The following LGR4 variants were observed in gnomAD, a reference collection of about 807,000 sequenced individuals.
LGR4 encodes leucine rich repeat containing G protein-coupled receptor 4.
A neutral mutation model predicts 84.8 loss-of-function variants in LGR4; 44 were observed. The observed-to-expected ratio is 0.52, with a 90% CI of 0.41 to 0.67. LGR4 has a LOEUF of 0.67. Among genes scored for constraint, LGR4 ranks in the 30% least tolerant of loss-of-function variants. The pLI is 0.00. For synonymous variants in LGR4, 429 were observed against 434.3 expected, an observed-to-expected ratio of 0.99 and a Z score of 0.15; for missense variants, 1,032 against 1,131.4, an observed-to-expected ratio of 0.91 and a Z score of 1.26.
At position 27,392,648 on chromosome 11, in the gene LGR4, C is replaced by T. The variant is rs1326408492; in HGVS notation, c.258-130G>A. 18 of 735,676 alleles carry T rather than the reference C, an allele frequency of 2.4e-5. No individual in the cohort carries two copies. The South Asian group carries it at 2.8e-4, about 12-fold the overall frequency. The allele number at this position is 735,676 out of a possible 1,614,324, so 45.6% of individuals were successfully genotyped here. A position where few individuals can be genotyped will look rare whatever the true frequency, so the allele number is the denominator to read the frequency against. On this transcript the variant is annotated intron_variant, in intron 2 of 17. Transcript: ENST00000379214. The stretch of plus-strand genomic sequence containing the variant: ...TTTCTCAAGTCTATCTGACATTAAA[C>T]GTGGACTTAAACCCTTGCTAAAATG...
chr11:27,401,088 AC>A (rs1863492862), intron 2 of LGR4, among the ~76,000 whole-genome samples: 1 of 152,202 alleles, frequency 6.6e-6, no homozygotes, highest in Non-Finnish European at 1.5e-5. Context: ...GAATTAAGAA[AC>A]CCTTATTATG....
At position 27,472,456 on chromosome 11, in the gene LGR4, G is replaced by A. The variant is rs1864898087; in HGVS notation, c.-154C>T. On this transcript the variant is annotated 5_prime_UTR_variant, in exon 1 of 18. Transcript: ENST00000379214. Reference sequence around the variant, plus strand: ...GCGGGCTCGGCCCCTTCAGCAGTCCGCCGCAGCGGCGCAGGGACGCGGCGC... The same window carrying A: ...GCGGGCTCGGCCCCTTCAGCAGTCCACCGCAGCGGCGCAGGGACGCGGCGC... 4.4e-6 allele frequency: 2 copies of A among 455,872 alleles called. No homozygotes were observed. Among genetic ancestry groups the A allele is most frequent in the Non-Finnish European group, 7.1e-6 (2 of 282,888 alleles). 28.2% of individuals were successfully genotyped at this position (455,872 alleles called of 1,614,324 possible). A position where few individuals can be genotyped will look rare whatever the true frequency, so the allele number is the denominator to read the frequency against.
At chr11:27,460,625 AAC>A (rs1864663328) in intron 1 of LGR4, among the ~76,000 whole-genome samples, 1 of 152,222 alleles carries the variant, frequency 6.6e-6, no homozygotes, top group East Asian at 1.9e-4. Flanking sequence ...GGCTCTGGAA[AAC>A]ACAGTTTGAT....
At position 27,472,653 on chromosome 11, in the gene LGR4, G is replaced by T; in HGVS notation, c.-351C>A. 2.8e-6 allele frequency: 1 copy of T among 356,516 alleles called. No individual in the cohort carries two copies. Among genetic ancestry groups the T allele is most frequent in the Non-Finnish European group, 5.0e-6 (1 of 198,972 alleles). 22.1% of individuals were successfully genotyped at this position (356,516 alleles called of 1,614,324 possible). A position where few individuals can be genotyped will look rare whatever the true frequency, so the allele number is the denominator to read the frequency against. On this transcript the variant is annotated 5_prime_UTR_variant, in exon 1 of 18. Transcript: ENST00000379214. Reference sequence around the variant, plus strand: ...TGCAGCGGCTCTTCAAGGTTGCAGAGCGCAGCCTTCAGCCATGCCGGCCAC... The same window carrying T: ...TGCAGCGGCTCTTCAAGGTTGCAGATCGCAGCCTTCAGCCATGCCGGCCAC...
chr11:27,380,779 T>A, intron 8 of LGR4, 68 bp from the exon 9 acceptor site: 3 of 1,244,832 alleles, frequency 2.4e-6, no homozygotes, highest in Non-Finnish European at 3.5e-6. Flanking sequence ...AACTCTATGT[T>A]CACAATGTAC....
At position 27,368,366 on chromosome 11, in the gene LGR4, G is replaced by A. The variant is rs1323083852; in HGVS notation, c.2357C>T (p.Thr786Ile). The A allele has an allele frequency of 6.2e-7, 1 of 1,613,956 alleles. No individual in the cohort carries two copies. Residue 786 changes from threonine to isoleucine, a missense_variant, in exon 18 of 18, where the codon ACT (threonine) becomes ATT (isoleucine). Physicochemically the swap from Thr to Ile is moderately conservative, Grantham distance 89. Coordinates refer to ENST00000379214, the MANE Select transcript of LGR4 (RefSeq NM_018490.5). ...AGCAGGCAATGGAAAAAATATCAGA[G>A]TAACAGACTTCATTATTTCGGGGCT... ...SISPEIMKSV[T>I]LIFFPLPACL...
At chr11:27,384,776 T>G (rs1216635524) in intron 5 of LGR4, among the ~76,000 whole-genome samples, 3 of 152,182 alleles carry the variant, frequency 2.0e-5, no homozygotes. Flanking sequence ...GGTAATGGTG[T>G]GGAGGAAGTG....
intron 2 of LGR4, among the ~76,000 whole-genome samples, chr11:27,403,842 A>AT (rs899798102): frequency 2.0e-5 from 3 of 152,158 alleles, no homozygotes; most frequent in Non-Finnish European, 4.4e-5. Context: ...TATAACTATG[A>AT]TTTTTTTAAA....
chr11:27,397,277 G>A (rs1863409685), intron 2 of LGR4, among the ~76,000 whole-genome samples: 1 of 152,156 alleles, frequency 6.6e-6, no homozygotes, highest in African/African-American at 2.4e-5. Flanking sequence ...ATGAACTCAT[G>A]ATATCACCTT....
intron 7 of LGR4, among the ~76,000 whole-genome samples, chr11:27,381,919 C>T (rs966908043): frequency 2.6e-5 from 4 of 152,096 alleles, no homozygotes; most frequent in Admixed American, 2.0e-4. Context: ...GATCAGTTTC[C>T]CCAGTAAGAC....
chr11:27,452,895 T>C (rs545638656), intron 1 of LGR4, among the ~76,000 whole-genome samples: 1 of 152,176 alleles, frequency 6.6e-6, no homozygotes, highest in African/African-American at 2.4e-5. Flanking sequence ...TAGTCATGTG[T>C]ATCAATAGTT....
intron 1 of LGR4, among the ~76,000 whole-genome samples, chr11:27,457,181 C>G (rs939878746): frequency 6.6e-6 from 1 of 152,124 alleles, no homozygotes; most frequent in Non-Finnish European, 1.5e-5. Flanking sequence ...TGCCATGGAC[C>G]AAGATGGTTA....
chr11:27,462,241 C>G (rs1286319698), intron 1 of LGR4, among the ~76,000 whole-genome samples: 1 of 152,246 alleles, frequency 6.6e-6, no homozygotes, highest in South Asian at 2.1e-4. Context: ...GGCTATCACA[C>G]GCCCATTTGC....
chr11:27,453,594 C>T (rs1864522626), intron 1 of LGR4, among the ~76,000 whole-genome samples: 1 of 152,062 alleles, frequency 6.6e-6, no homozygotes, highest in Non-Finnish European at 1.5e-5. Context: ...ATCCCCCACC[C>T]CCCTGCCAGG....
In LGR4 at chr11:27,376,254, G is replaced by A. The variant is rs747420153; in HGVS notation, c.1181+45C>T. 46 of 1,117,324 alleles carry A rather than the reference G, an allele frequency of 4.1e-5. No homozygotes were observed. The South Asian group carries it at 5.1e-4, about 12-fold the overall frequency. 69.2% of individuals were successfully genotyped at this position (1,117,324 alleles called of 1,614,324 possible). The stretch of plus-strand genomic sequence containing the variant: ...GAAATCATAACAACATATTAACATA[G>A]TTTGGAAAAAATTTATTGTCTTTAA... On this transcript the variant is annotated intron_variant, in intron 13 of 17. Transcript: ENST00000379214.
At chr11:27,431,033 C>T (rs1864107806) in intron 1 of LGR4, among the ~76,000 whole-genome samples, 1 of 152,140 alleles carries the variant, frequency 6.6e-6, no homozygotes, top group Non-Finnish European at 1.5e-5. Context: ...AATGTCACCC[C>T]TTCAGACAGT....
At chr11:27,450,728 C>T (rs184409201) in intron 1 of LGR4, among the ~76,000 whole-genome samples, 12 of 152,216 alleles carry the variant, frequency 7.9e-5, no homozygotes, top group East Asian at 5.8e-4. Flanking sequence ...GCAGAGGTTA[C>T]GGTGAGCTGA....
chr11:27,412,918 T>C, intron 1 of LGR4, 58 bp from the exon 2 acceptor site: 1 of 1,174,232 alleles, frequency 8.5e-7, no homozygotes, highest in Non-Finnish European at 1.3e-6. Context: ...TTAAAGTATT[T>C]AATCCAACAG....
chr11:27,382,339 T>C lies in LGR4; in HGVS notation c.690-83A>G, dbSNP rs957038720. 150 of 860,438 alleles carry C rather than the reference T, an allele frequency of 1.7e-4. No homozygotes were observed. In the African/African-American group the frequency reaches 2.4e-3, roughly 14 times the overall value. The allele number at this position is 860,438 out of a possible 1,614,324, so 53.3% of individuals were successfully genotyped here. On this transcript the variant is annotated intron_variant, in intron 6 of 17. Coordinates refer to ENST00000379214, the MANE Select transcript of LGR4 (RefSeq NM_018490.5). ...GGCATTTTGTTACAGACAAGTATTT[T>C]TTTAAATCATATCCTCTGTATGGTA... is the stretch of plus-strand genomic sequence containing the variant.
Sources: gnomAD v4.1 joint callset for allele counts (sites outside exome capture counted in the v4.1 genomes callset) on GRCh38, gnomAD v4.1.1 for gene constraint, MANE v1.5 for transcripts, NCBI Gene and HGNC (gene_info 2026-07-23, HGNC 2026-07-21) for gene names.